The following COL25A1 variants were observed in gnomAD, a reference collection of about 807,000 sequenced individuals.
COL25A1 encodes collagen alpha-1(XXV) chain.
In COL25A1, 103 loss-of-function variants were observed where a neutral mutation model predicts 128.4. That is an observed-to-expected ratio of 0.80 (90% CI 0.68 to 0.94). The LOEUF (loss-of-function observed/expected upper bound fraction) is 0.94. COL25A1 is among the 40% of genes least tolerant of loss of function. COL25A1 has a pLI of 0.00. For missense variants in COL25A1, 745 were observed against 840.0 expected (o/e 0.89, Z 1.40); for synonymous variants, 279 against 277.2 (o/e 1.01, Z -0.06).
intron 5 of COL25A1, among the ~76,000 whole-genome samples, chr4:109,021,354 C>T (rs940304826): frequency 4.6e-5 from 7 of 152,148 alleles, no homozygotes; most frequent in Non-Finnish European, 7.3e-5. Context: ...GCTGGAGCAG[C>T]GGCAGAGGAA....
In COL25A1 at chr4:108,942,214, C is replaced by T. The variant is rs17531474; in HGVS notation, c.493-777G>A. On this transcript the variant is annotated intron_variant, in intron 8 of 37. Coordinates refer to ENST00000399132, the MANE Select transcript of COL25A1 (RefSeq NM_198721.4). Reference sequence around the variant, plus strand: ...CATGAGTGACAACCACAAACCTTGACGGTGAGGATCTGATTACTGTGCAGG... The same window carrying T: ...CATGAGTGACAACCACAAACCTTGATGGTGAGGATCTGATTACTGTGCAGG... The T allele has an allele frequency of 0.12, 189,617 of 1,549,486 alleles. 12,976 individuals are homozygous for T. Among genetic ancestry groups the T allele is most frequent in the Non-Finnish European group, 0.14 (160,059 of 1,146,172 alleles).
chr4:108,974,214 C>T (rs958984217), intron 8 of COL25A1, among the ~76,000 whole-genome samples, 153 bp downstream of exon 8: 117 of 152,194 alleles, frequency 7.7e-4, no homozygotes, highest in Non-Finnish European at 2.9e-4. Flanking sequence ...AATCGTTAAT[C>T]AGGTTTTTTT....
intron 3 of COL25A1, among the ~76,000 whole-genome samples, chr4:109,211,568 G>T (rs1437083571): frequency 4.0e-5 from 6 of 151,134 alleles, no homozygotes; most frequent in Admixed American, 6.6e-5. Flanking sequence ...ATTGTCATCA[G>T]TGGGCATCCC....
At chr4:108,965,535 C>T (rs934881615) in intron 8 of COL25A1, among the ~76,000 whole-genome samples, 3 of 152,134 alleles carry the variant, frequency 2.0e-5, no homozygotes, top group Admixed American at 6.5e-5. Context: ...TTAAACATTA[C>T]AACAGCTTTG....
At chr4:108,938,640 A>G (rs1747716248) in intron 10 of COL25A1, among the ~76,000 whole-genome samples, 1 of 152,210 alleles carries the variant, frequency 6.6e-6, no homozygotes, top group African/African-American at 2.4e-5. Context: ...GCAGATCACG[A>G]GGTCAGGAGA....
chr4:109,127,473 A>G (rs553753392), intron 3 of COL25A1, among the ~76,000 whole-genome samples: 1 of 152,208 alleles, frequency 6.6e-6, no homozygotes, highest in East Asian at 1.9e-4. Flanking sequence ...TCCTCAGACA[A>G]GTTACTTTCT....
At chr4:108,925,323 G>A (rs1361327490) in intron 11 of COL25A1, among the ~76,000 whole-genome samples, 1 of 152,000 alleles carries the variant, frequency 6.6e-6, no homozygotes, top group Non-Finnish European at 1.5e-5. Context: ...ATTGTGAGAA[G>A]TAGATGGAAT....
chr4:109,163,241 G>A (rs566910282), intron 3 of COL25A1, among the ~76,000 whole-genome samples: 1 of 152,276 alleles, frequency 6.6e-6, no homozygotes, highest in African/African-American at 2.4e-5. Flanking sequence ...CTCAACCCAA[G>A]TACTTAGTGT....
chr4:109,213,044 T>C (rs1403931967), intron 3 of COL25A1, among the ~76,000 whole-genome samples: 1 of 152,154 alleles, frequency 6.6e-6, no homozygotes, highest in Non-Finnish European at 1.5e-5. Flanking sequence ...TGTCCAGACA[T>C]GGGGATGACT....
At chr4:108,975,758 A>G (rs1030112944) in intron 6 of COL25A1, among the ~76,000 whole-genome samples, 1 of 152,160 alleles carries the variant, frequency 6.6e-6, no homozygotes, top group Non-Finnish European at 1.5e-5. Context: ...CCCAGTGATT[A>G]GTAAATTGAA....
At chr4:108,942,982 C>T (rs1029138668) in intron 8 of COL25A1, among the ~76,000 whole-genome samples, 1 of 152,020 alleles carries the variant, frequency 6.6e-6, no homozygotes, top group Non-Finnish European at 1.5e-5. Flanking sequence ...TCTCAAACTC[C>T]TGACCTCAAG....
chr4:108,990,272 A>ATATATCTC (rs1237402687), intron 6 of COL25A1, among the ~76,000 whole-genome samples: 2 of 123,638 alleles, frequency 1.6e-5, no homozygotes, highest in African/African-American at 6.2e-5. Context: ...ATATATATAT[A>ATATATCTC]TCTCAAAAGA....
At chr4:108,826,564 G>A (rs1732405693) in intron 33 of COL25A1, among the ~76,000 whole-genome samples, 1 of 152,080 alleles carries the variant, frequency 6.6e-6, no homozygotes, top group Non-Finnish European at 1.5e-5. Flanking sequence ...AAGAAGAGAA[G>A]AATTTTCAGA....
At chr4:108,833,474 A>C (rs1248836240) in intron 31 of COL25A1, among the ~76,000 whole-genome samples, 1 of 152,230 alleles carries the variant, frequency 6.6e-6, no homozygotes. Flanking sequence ...AAGTTTTTAG[A>C]ATTGAAAAGA....
intron 11 of COL25A1, among the ~76,000 whole-genome samples, chr4:108,923,068 CCAGT>C (rs1745657132): frequency 1.3e-5 from 2 of 152,178 alleles, no homozygotes; most frequent in South Asian, 4.1e-4. Context: ...TCCAGAAATA[CCAGT>C]TATTTTTACT....
intron 5 of COL25A1, among the ~76,000 whole-genome samples, chr4:109,034,680 T>C (rs1009814165): frequency 9.2e-5 from 14 of 152,174 alleles, no homozygotes; most frequent in African/African-American, 3.1e-4. Context: ...AAGATAAAAA[T>C]TTCAGGAAAA....
intron 6 of COL25A1, among the ~76,000 whole-genome samples, chr4:108,982,862 T>A (rs892690305): frequency 1.3e-5 from 2 of 152,232 alleles, no homozygotes; most frequent in African/African-American, 4.8e-5. Context: ...AACAAGGGAC[T>A]ATATGTGCCC....
rs1253275948 is a variant in COL25A1, at chr4:109,161,376, G to A, written c.368-111197C>T. Among the ~76,000 whole-genome samples, 4 of 152,264 alleles carry A rather than the reference G, an allele frequency of 2.6e-5. No individual in the cohort carries two copies. In the East Asian group the frequency reaches 7.7e-4, roughly 29 times the overall value. ...AGTGCCAAGGTTGTTCTAGTTGATAGAAACCTGAATTAGTTCCTCTTACTG... is the reference window on the plus strand; with the variant it reads ...AGTGCCAAGGTTGTTCTAGTTGATAAAAACCTGAATTAGTTCCTCTTACTG... On this transcript the variant is annotated intron_variant, in intron 3 of 37. Coordinates refer to ENST00000399132, the MANE Select transcript of COL25A1 (RefSeq NM_198721.4).
intron 3 of COL25A1, among the ~76,000 whole-genome samples, chr4:109,159,289 T>C (rs1772330987): frequency 6.6e-6 from 1 of 152,028 alleles, no homozygotes; most frequent in Non-Finnish European, 1.5e-5. Flanking sequence ...GATAATTGAA[T>C]AAATTACTTA....
Sources: allele counts gnomAD v4.1 joint callset (sites outside exome capture counted in the v4.1 genomes callset), GRCh38; gene constraint gnomAD v4.1.1; transcripts MANE v1.5; gene names NCBI Gene and HGNC (gene_info 2026-07-23, HGNC 2026-07-21).